RYR1: variants seen among roughly 807,000 people sequenced by gnomAD.
RYR1 encodes the protein central core disease of muscle.
A neutral mutation model predicts 583.5 loss-of-function variants in RYR1; 342 were observed. The ratio of observed to expected loss-of-function variants is 0.59; its 90% CI spans 0.54 to 0.64. The LOEUF is 0.64. RYR1 is among the 30% of genes least tolerant of loss of function. RYR1 has a pLI of 0.00. For synonymous variants in RYR1, 2,791 were observed against 2,822.5 expected (o/e 0.99, Z 0.35); for missense variants, 6,032 against 6,917.2 (o/e 0.87, Z 4.54).
rs1475050545 is a variant in RYR1, at chr19:38,564,000, C to T, written c.12625-959C>T. On this transcript the variant is annotated intron_variant, in intron 90 of 105. Transcript: ENST00000359596. The stretch of plus-strand genomic sequence containing the variant: ...TTTTATGGAAACTGCTTGTATGGGG[C>T]CTGGCCTTATTGAAGCATTTACAGG... Among the ~76,000 whole-genome samples the T allele has an allele frequency of 2.0e-5, 3 of 152,206 alleles. No homozygotes were observed. In the East Asian group the frequency reaches 5.8e-4, roughly 29 times the overall value.
Position 38,499,280 on chromosome 19 carries a change from G to A in RYR1, c.7027+37G>A. On this transcript the variant is annotated intron_variant, in intron 43 of 105. Transcript: ENST00000359596. This position sits in a 1 kb window ranked among gnomAD's most constrained non-coding sequence, Gnocchi z 7.3. ...GTGGCAGTGGCAGAGCGGGAAGTAT[G>A]GAGTCACTGGTCACACACCTCCCTC... 6.2e-7 allele frequency: 1 copy of A among 1,614,030 alleles called. No individual in the cohort carries two copies. The highest frequency in any genetic ancestry group is 8.5e-7 in the Non-Finnish European group (1 of 1,179,970).
intron 20 of RYR1, among the ~76,000 whole-genome samples, chr19:38,461,067 T>C (rs926895950): frequency 2.0e-5 from 3 of 151,984 alleles, no homozygotes; most frequent in African/African-American, 7.3e-5. Flanking sequence ...TGAGGCAGAA[T>C]TGCTTGAACC....
intron 7 of RYR1, among the ~76,000 whole-genome samples, chr19:38,445,706 A>G (rs527249334): frequency 1.3e-5 from 2 of 152,216 alleles, no homozygotes; most frequent in East Asian, 3.9e-4. Flanking sequence ...TCAATACTCA[A>G]GGCCAAGCGC....
At position 38,466,367 on chromosome 19, in the gene RYR1, C is replaced by CT. The variant is rs1263298156; in HGVS notation, c.3148dup (p.Tyr1050LeufsTer7). On this transcript the variant is annotated frameshift_variant, in exon 24 of 106. Coordinates refer to ENST00000359596, the MANE Select transcript of RYR1 (RefSeq NM_000540.3). LOFTEE classifies it high-confidence loss of function. ...CCGTGCGCACCCTCCTGGGCTACGG[C>CT]TACAACATCGAGCCTCCTGACCAGG... 1 of 1,565,792 alleles carries CT rather than the reference C, an allele frequency of 6.4e-7. No homozygotes were observed. The highest frequency in any genetic ancestry group is 8.6e-7 in the Non-Finnish European group (1 of 1,157,986).
rs903367783 is a variant in RYR1, at chr19:38,515,989, A to C, written c.9555-98A>C. On this transcript the variant is annotated intron_variant, in intron 64 of 105. Transcript: ENST00000359596. ...ATGGATGAATGGCAGCTCTGTCCCA[A>C]AGGGTTCTGGGAGGAGCCGTTTCTA... 3 of 1,411,664 alleles carry C rather than the reference A, an allele frequency of 2.1e-6. No individual in the cohort carries two copies. The South Asian group carries it at 4.1e-5, about 19-fold the overall frequency. The allele number at this position is 1,411,664 out of a possible 1,614,324, so 87.4% of individuals were successfully genotyped here. A position where few individuals can be genotyped will look rare whatever the true frequency, so the allele number is the denominator to read the frequency against.
intron 73 of RYR1, 118 bp from the exon 74 acceptor site, chr19:38,528,188 C>T (rs1412935552): frequency 1.2e-6 from 1 of 838,638 alleles, no homozygotes; most frequent in African/African-American, 1.7e-5. Context: ...GGTTTTCCTT[C>T]TGCCGTGTGA....
chr19:38,478,831 G>A (rs1378787772), intron 31 of RYR1, among the ~76,000 whole-genome samples: 4 of 152,172 alleles, frequency 2.6e-5, no homozygotes, highest in East Asian at 3.8e-4. Context: ...GCAATGGGAC[G>A]ATCTTGGCTC....
At position 38,561,366 on chromosome 19, in the gene RYR1, G is replaced by C. The variant is rs564867337; in HGVS notation, c.12536G>C (p.Arg4179Pro). The C allele has an allele frequency of 6.2e-7, 1 of 1,613,654 alleles. No individual in the cohort carries two copies. Among genetic ancestry groups the C allele is most frequent in the African/African-American group, 1.3e-5 (1 of 75,054 alleles). Residue 4179 changes from arginine to proline, a missense_variant, in exon 90 of 106, where the codon CGC (arginine) becomes CCC (proline). Transcript: ENST00000359596. This position sits in a 1 kb window ranked among gnomAD's most constrained non-coding sequence, Gnocchi z 4.8. Reference protein sequence around the residue: ...ILEYFRPYLGRIEIMGASRRI... With the variant: ...ILEYFRPYLGPIEIMGASRRI... ...GAGTACTTCCGCCCCTACCTGGGCCGCATCGAGATCATGGGCGCGTCACGC... is the reference window on the plus strand; with the variant it reads ...GAGTACTTCCGCCCCTACCTGGGCCCCATCGAGATCATGGGCGCGTCACGC...
At chr19:38,533,831 T>C (rs1199351583) in intron 78 of RYR1, among the ~76,000 whole-genome samples, 3 of 151,564 alleles carry the variant, frequency 2.0e-5, no homozygotes, top group Non-Finnish European at 4.4e-5. Flanking sequence ...GCTACTATAA[T>C]TGAGAAGTAG....
At chr19:38,475,566 C>G in intron 29 of RYR1, 116 bp downstream of exon 29, 1 of 1,249,436 alleles carries the variant, frequency 8.0e-7, no homozygotes, top group Non-Finnish European at 1.1e-6. Flanking sequence ...GGGGACTCCC[C>G]AATATACACT....
At chr19:38,577,340 T>G (rs188058347) in intron 97 of RYR1, among the ~76,000 whole-genome samples, 4 of 152,324 alleles carry the variant, frequency 2.6e-5, no homozygotes, top group Admixed American at 1.3e-4. Flanking sequence ...TGGCTGTTAC[T>G]ATAATTCGTT....
In RYR1 at chr19:38,528,373, C is replaced by T. The variant is rs1243463682; in HGVS notation, c.10892C>T (p.Ala3631Val). 1 of 1,614,052 alleles carries T rather than the reference C, an allele frequency of 6.2e-7. No individual in the cohort carries two copies. Among genetic ancestry groups the T allele is most frequent in the South Asian group, 1.1e-5 (1 of 91,080 alleles). ...CTTTTGTCCAAACAGCGCCGGCGGGCAGTCGTGGCCTGTTTCCGTATGACG... is the reference window on the plus strand; with the variant it reads ...CTTTTGTCCAAACAGCGCCGGCGGGTAGTCGTGGCCTGTTTCCGTATGACG... Reference protein sequence around the residue: ...HKLLSKQRRRAVVACFRMTPL... With the variant: ...HKLLSKQRRRVVVACFRMTPL... The change falls in exon 74 of 106, where the codon GCA (alanine) becomes GTA (valine). Residue 3631 changes from alanine (A) to valine (V), a missense_variant. Physicochemically the swap from Ala to Val is moderately conservative, Grantham distance 64. Transcript: ENST00000359596.
intron 1 of RYR1, among the ~76,000 whole-genome samples, chr19:38,435,692 C>T (rs1263028057): frequency 3.3e-5 from 5 of 151,926 alleles, no homozygotes; most frequent in Admixed American, 1.3e-4. Context: ...GCCGAGATTG[C>T]GCCACTGCAC....
rs1971016693 is a variant in RYR1, at chr19:38,517,355, C to T, written c.9686-4C>T. On this transcript the variant is annotated splice_polypyrimidine_tract_variant and splice_region_variant and intron_variant, in intron 65 of 105. Transcript: ENST00000359596. ...CATTCCCTGCCCCCGTCCCTGTACC[C>T]CAGTCCTGGGGCTCCCCAACAGTGT... is the stretch of plus-strand genomic sequence containing the variant. 4 of 1,612,972 alleles carry T rather than the reference C, an allele frequency of 2.5e-6. No homozygotes were observed. In the South Asian group the frequency reaches 4.4e-5, roughly 18 times the overall value.
chr19:38,561,285 A>C lies in RYR1; in HGVS notation c.12455A>C (p.His4152Pro), dbSNP rs776414556. 1 of 1,614,060 alleles carries C rather than the reference A, an allele frequency of 6.2e-7. No homozygotes were observed. The highest frequency in any genetic ancestry group is 1.1e-5 in the South Asian group (1 of 91,088). The change falls in exon 90 of 106, where the codon CAT becomes CCT. Residue 4152 changes from histidine to proline, a missense_variant. His to Pro is a moderately conservative substitution (Grantham distance 77, BLOSUM62 -2). Transcript: ENST00000359596. The surrounding 1 kb of genome is among the most constrained non-coding windows in gnomAD (Gnocchi z 4.8). ...GTGCTGCTGACCAACCTGTCGGAGC[A>C]TGTGCCGCATGACCCTCGCCTGCAC... Reference protein sequence around the residue: ...VAVLLTNLSEHVPHDPRLHNF... With the variant: ...VAVLLTNLSEPVPHDPRLHNF...
At chr19:38,542,376 C>T (rs1054653227) in intron 84 of RYR1, among the ~76,000 whole-genome samples, 24 of 152,160 alleles carry the variant, frequency 1.6e-4, no homozygotes, top group African/African-American at 4.6e-4. Context: ...TGGAAACTAA[C>T]GAGGAACTGA....
intron 76 of RYR1, among the ~76,000 whole-genome samples, chr19:38,529,676 A>G (rs903819344): frequency 2.6e-5 from 4 of 152,188 alleles, no homozygotes; most frequent in Admixed American, 2.6e-4. Flanking sequence ...ATCCATATGT[A>G]TGACAAATTT....
chr19:38,561,188 G>A lies in RYR1; in HGVS notation c.12358G>A (p.Glu4120Lys), dbSNP rs1333787732. The A allele has an allele frequency of 1.9e-6, 3 of 1,614,190 alleles. No individual in the cohort carries two copies. Among genetic ancestry groups the A allele is most frequent in the Admixed American group, 1.7e-5 (1 of 60,008 alleles). Residue 4120 changes from glutamate (E) to lysine (K), a missense_variant, in exon 90 of 106, where the codon GAA becomes AAA. Glu to Lys is a moderately conservative substitution (Grantham distance 56, BLOSUM62 1). This residue lies in a region of RYR1 where 753 missense variants were observed against 759.6 expected (regional missense o/e 0.99). Coordinates refer to ENST00000359596, the MANE Select transcript of RYR1 (RefSeq NM_000540.3). The surrounding 1 kb of genome is among the most constrained non-coding windows in gnomAD (Gnocchi z 4.8). Reference sequence around the variant, plus strand: ...TTCGTGCTCCGAAGCGGATGAGAACGAAATGATCAACTGCGAAGAGTTCGC... The same window carrying A: ...TTCGTGCTCCGAAGCGGATGAGAACAAAATGATCAACTGCGAAGAGTTCGC... ...LLSCSEADEN[E>K]MINCEEFANR...
chr19:38,468,414 C>T (rs1257092922), intron 25 of RYR1, among the ~76,000 whole-genome samples: 3 of 152,340 alleles, frequency 2.0e-5, no homozygotes, highest in South Asian at 2.1e-4. Flanking sequence ...ATACAACCAT[C>T]CTTCCCTTCT....
Sources: gnomAD v4.1 joint callset for allele counts (sites outside exome capture counted in the v4.1 genomes callset) on GRCh38, gnomAD v4.1.1 for gene constraint, gnomAD v4.1.1 regional missense constraint, Gnocchi (gnomAD v3.1) non-coding constraint, MANE v1.5 for transcripts, NCBI Gene and HGNC (gene_info 2026-07-23, HGNC 2026-07-21) for gene names.